The following FBXL13 variants were observed in gnomAD, a reference collection of about 807,000 sequenced individuals.
FBXL13 encodes the protein F-box and leucine rich repeat protein 13, also known as F-box and leucine-rich repeat protein 13.
A neutral mutation model predicts 83.6 loss-of-function variants in FBXL13; 67 were observed. The ratio of observed to expected loss-of-function variants is 0.80; its 90% confidence interval spans 0.66 to 0.98. FBXL13 has a LOEUF of 0.98. FBXL13 is among the 50% of genes least tolerant of loss of function. The pLI, the probability that FBXL13 is intolerant of heterozygous loss-of-function variation, is 0.00. For synonymous variants in FBXL13, 272 were observed against 299.5 expected, an observed-to-expected ratio of 0.91 and a Z score of 0.95; for missense variants, 822 against 866.5, an observed-to-expected ratio of 0.95 and a Z score of 0.64.
chr7:102,828,205 C>T (rs1800071575), intron 18 of FBXL13, among the ~76,000 whole-genome samples: 1 of 152,112 alleles, frequency 6.6e-6, no homozygotes, highest in Admixed American at 6.5e-5. Context: ...TTGATTCTTC[C>T]TACCCATGAG....
At chr7:102,842,101 T>C (rs902591733) in intron 17 of FBXL13, among the ~76,000 whole-genome samples, 1 of 152,188 alleles carries the variant, frequency 6.6e-6, no homozygotes, top group Non-Finnish European at 1.5e-5. Flanking sequence ...AAGAGAGACT[T>C]TGCCAAGCAA....
chr7:102,904,577 T>C (rs1813460904), intron 11 of FBXL13, among the ~76,000 whole-genome samples: 1 of 152,082 alleles, frequency 6.6e-6, no homozygotes, highest in Non-Finnish European at 1.5e-5. Flanking sequence ...GTCATTTCAT[T>C]GATCTTTTTG....
chr7:102,941,765 A>G (rs1368294028), intron 8 of FBXL13, among the ~76,000 whole-genome samples: 1 of 152,092 alleles, frequency 6.6e-6, no homozygotes, highest in African/African-American at 2.4e-5. Context: ...AAAAAAGATT[A>G]TAATAGTTAT....
At chr7:102,850,838 C>T (rs1805091292) in intron 17 of FBXL13, among the ~76,000 whole-genome samples, 1 of 152,122 alleles carries the variant, frequency 6.6e-6, no homozygotes. Flanking sequence ...ACATTAGTAT[C>T]CCTGGTCTAA....
chr7:102,879,579 C>T (rs776229673), intron 14 of FBXL13, among the ~76,000 whole-genome samples: 1 of 152,046 alleles, frequency 6.6e-6, no homozygotes, highest in Non-Finnish European at 1.5e-5. Flanking sequence ...ACCTGGATAT[C>T]AAAAGTATCC....
intron 6 of FBXL13, among the ~76,000 whole-genome samples, chr7:102,972,150 A>G (rs967103060): frequency 3.3e-5 from 5 of 152,234 alleles, no homozygotes; most frequent in Admixed American, 6.5e-5. Context: ...AATGCAAATA[A>G]TAACAATGGG....
intron 11 of FBXL13, among the ~76,000 whole-genome samples, chr7:102,894,339 C>T (rs1811988715): frequency 6.6e-6 from 1 of 152,206 alleles, no homozygotes; most frequent in African/African-American, 2.4e-5. Flanking sequence ...GCCATTATTA[C>T]TGCATTGAGT....
At chr7:102,942,365 A>C in intron 8 of FBXL13, 2 of 1,536,214 alleles carry the variant, frequency 1.3e-6, no homozygotes, top group Middle Eastern at 1.7e-4. Context: ...ATGCAGTGGG[A>C]GTTGCCAGAC....
chr7:102,873,271 G>A (rs981384850), intron 16 of FBXL13, among the ~76,000 whole-genome samples: 10 of 152,110 alleles, frequency 6.6e-5, no homozygotes, highest in African/African-American at 1.7e-4. Flanking sequence ...AAACATGTTC[G>A]TTTTCCCAAC....
intron 8 of FBXL13, among the ~76,000 whole-genome samples, chr7:102,938,221 A>T (rs909400811): frequency 6.6e-6 from 1 of 152,236 alleles, no homozygotes; most frequent in Admixed American, 6.5e-5. Context: ...TGACCAGAAT[A>T]GTTTACCATT....
At chr7:103,037,187 AAT>A (rs1318890415) in intron 2 of FBXL13, among the ~76,000 whole-genome samples, 2 of 152,202 alleles carry the variant, frequency 1.3e-5, no homozygotes, top group African/African-American at 4.8e-5. Context: ...TGATTACAGT[AAT>A]GTTTATTTTG....
chr7:103,070,398 T>C (rs940075789), intron 1 of FBXL13, among the ~76,000 whole-genome samples: 1 of 151,938 alleles, frequency 6.6e-6, no homozygotes, highest in African/African-American at 2.4e-5. Context: ...CTGGCAAATT[T>C]TTGTATTTTT....
intron 8 of FBXL13, among the ~76,000 whole-genome samples, chr7:102,947,975 A>G (rs1356424205): frequency 6.6e-6 from 1 of 151,990 alleles, no homozygotes; most frequent in Non-Finnish European, 1.5e-5. Context: ...TCTGGAGCCT[A>G]TGCCCTGGAT....
chr7:103,036,305 T>C (rs1449145110), intron 2 of FBXL13, among the ~76,000 whole-genome samples: 1 of 152,188 alleles, frequency 6.6e-6, no homozygotes, highest in Non-Finnish European at 1.5e-5. Context: ...TAAATATGTG[T>C]TGAATGGATA....
intron 11 of FBXL13, among the ~76,000 whole-genome samples, chr7:102,907,446 T>C (rs1315978349): frequency 6.6e-6 from 1 of 152,100 alleles, no homozygotes; most frequent in Non-Finnish European, 1.5e-5. Flanking sequence ...ATTAGGTATA[T>C]CTCCTAATGC....
intron 6 of FBXL13, among the ~76,000 whole-genome samples, chr7:102,987,679 T>G (rs1829128914): frequency 6.6e-6 from 1 of 152,214 alleles, no homozygotes; most frequent in African/African-American, 2.4e-5. Context: ...GCATCTTGAG[T>G]GGGTATCATA....
At chr7:102,864,972 T>C (rs796318796) in intron 16 of FBXL13, among the ~76,000 whole-genome samples, 2 of 152,218 alleles carry the variant, frequency 1.3e-5, no homozygotes, top group African/African-American at 4.8e-5. Context: ...AATTCATGCT[T>C]TTAGTAACTT....
At chr7:103,038,693 C>T (rs1795337826) in intron 2 of FBXL13, among the ~76,000 whole-genome samples, 1 of 152,204 alleles carries the variant, frequency 6.6e-6, no homozygotes, top group South Asian at 2.1e-4. Flanking sequence ...TGGAGTGGAC[C>T]TCCAGCAAAC....
intron 16 of FBXL13, among the ~76,000 whole-genome samples, chr7:102,867,682 TATATATA>T (rs1475006123): frequency 3.7e-5 from 3 of 81,494 alleles, no homozygotes; most frequent in African/African-American, 2.5e-4. Flanking sequence ...TATATATATA[TATATATA>T]TATATATTTT....
Sources: allele counts gnomAD v4.1 joint callset (sites outside exome capture counted in the v4.1 genomes callset), GRCh38; gene constraint gnomAD v4.1.1; transcripts MANE v1.5; gene names NCBI Gene and HGNC (gene_info 2026-07-23, HGNC 2026-07-21).